WWOX: variants seen among roughly 807,000 people sequenced by gnomAD.
The protein encoded by WWOX is WW domain-containing oxidoreductase.
Under a neutral mutation model 46.2 loss-of-function variants are expected in WWOX, and 69 were observed. That is an observed-to-expected ratio of 1.49 (90% confidence interval 1.23 to 1.82). The LOEUF is 1.82. Among genes scored for constraint, WWOX ranks in the 40% most tolerant of loss-of-function variants. The probability of loss-of-function intolerance (pLI) is 0.00; values close to 1 mark genes in which losing one functional copy is unlikely to be tolerated. For synonymous variants in WWOX, 359 were observed against 202.6 expected, an observed-to-expected ratio of 1.77 and a Z score of -6.56; for missense variants, 919 against 542.6, an observed-to-expected ratio of 1.69 and a Z score of -6.89.
chr16:78,452,698 A>T (rs976848131), intron 8 of WWOX, among the ~76,000 whole-genome samples: 4 of 150,594 alleles, frequency 2.7e-5, no homozygotes, highest in Non-Finnish European at 5.9e-5. Context: ...CTGGTATCGA[A>T]TTCCTGACCT....
intron 8 of WWOX, among the ~76,000 whole-genome samples, chr16:78,460,324 C>T (rs2083920562): frequency 6.6e-6 from 1 of 151,996 alleles, no homozygotes; most frequent in South Asian, 2.1e-4. Context: ...GGCGGAGTTT[C>T]ACCAAGTTGG....
intron 4 of WWOX, among the ~76,000 whole-genome samples, chr16:78,137,532 C>G (rs574522839): frequency 6.6e-6 from 1 of 152,268 alleles, no homozygotes; most frequent in African/African-American, 2.4e-5. Flanking sequence ...GGACCAAGTT[C>G]TTATTTTCTT....
intron 8 of WWOX, among the ~76,000 whole-genome samples, chr16:78,884,205 C>G (rs375374704): frequency 7.5e-6 from 1 of 133,738 alleles, no homozygotes; most frequent in Admixed American, 8.7e-5. Context: ...CCAGGGAGGT[C>G]AAGGCTACAG....
intron 8 of WWOX, among the ~76,000 whole-genome samples, chr16:78,849,518 G>A (rs972700717): frequency 6.8e-6 from 1 of 147,336 alleles, no homozygotes; most frequent in Non-Finnish European, 1.5e-5. Flanking sequence ...AGCTTGCAGT[G>A]AGCGGAGATC....
chr16:79,159,739 T>C (rs552811633), intron 8 of WWOX, among the ~76,000 whole-genome samples: 1 of 152,330 alleles, frequency 6.6e-6, no homozygotes, highest in African/African-American at 2.4e-5. Flanking sequence ...CTAGTTTTAT[T>C]TCTTCAAATT....
At chr16:78,999,824 G>A (rs565508428) in intron 8 of WWOX, among the ~76,000 whole-genome samples, 6 of 152,176 alleles carry the variant, frequency 3.9e-5, no homozygotes, top group African/African-American at 7.2e-5. Context: ...CCATATATGC[G>A]TGTAAGAAAT....
At chr16:78,722,921 AG>A (rs1181172442) in intron 8 of WWOX, among the ~76,000 whole-genome samples, 1 of 152,100 alleles carries the variant, frequency 6.6e-6, no homozygotes, top group Non-Finnish European at 1.5e-5. Context: ...TCACGCCTGT[AG>A]CCCCACCTAC....
At chr16:78,194,478 C>T (rs1419137823) in intron 5 of WWOX, among the ~76,000 whole-genome samples, 9 of 150,728 alleles carry the variant, frequency 6.0e-5, no homozygotes, top group Non-Finnish European at 1.5e-5. Context: ...TTCCCAGCTA[C>T]TCGGGATGCT....
chr16:78,406,377 G>A (rs1332949668), intron 6 of WWOX, among the ~76,000 whole-genome samples: 25 of 116,230 alleles, frequency 2.2e-4, no homozygotes, highest in African/African-American at 6.6e-4. Context: ...TTTTTGAGAC[G>A]GAGTCTTGCT....
At chr16:78,633,524 C>T (rs1345227109) in intron 8 of WWOX, among the ~76,000 whole-genome samples, 4 of 152,226 alleles carry the variant, frequency 2.6e-5, no homozygotes, top group Non-Finnish European at 5.9e-5. Flanking sequence ...CTAGCTAACG[C>T]ATGGCAACGC....
At chr16:78,640,173 G>A (rs925681545) in intron 8 of WWOX, among the ~76,000 whole-genome samples, 4 of 148,752 alleles carry the variant, frequency 2.7e-5, no homozygotes, top group African/African-American at 7.5e-5. Context: ...AGTTGCCAAC[G>A]TCCTCTCCTT....
chr16:78,748,747 A>C (rs1040409922), intron 8 of WWOX, among the ~76,000 whole-genome samples: 6 of 152,142 alleles, frequency 3.9e-5, no homozygotes, highest in African/African-American at 9.7e-5. Flanking sequence ...TTTCATGCAC[A>C]CTCGGATTAC....
chr16:78,706,164 C>G (rs1303667681), intron 8 of WWOX, among the ~76,000 whole-genome samples: 2 of 144,512 alleles, frequency 1.4e-5, no homozygotes, highest in Non-Finnish European at 3.0e-5. Flanking sequence ...TCCATCTTAT[C>G]AAGCCCCCTA....
chr16:78,300,623 T>C (rs2080023829), intron 5 of WWOX, among the ~76,000 whole-genome samples: 1 of 152,150 alleles, frequency 6.6e-6, no homozygotes, highest in African/African-American at 2.4e-5. Flanking sequence ...GCATTACTAA[T>C]GGCTTGACTT....
chr16:78,300,017 G>C (rs971405750), intron 5 of WWOX, among the ~76,000 whole-genome samples: 2 of 152,134 alleles, frequency 1.3e-5, no homozygotes, highest in African/African-American at 4.8e-5. Flanking sequence ...CTGCCTACAA[G>C]GGAATCTTTG....
intron 8 of WWOX, among the ~76,000 whole-genome samples, chr16:78,894,020 T>TTTATTATTATTATTA (rs6145911): frequency 0.18 from 25,425 of 139,780 alleles, 2,739 homozygotes; most frequent in Non-Finnish European, 0.24. Flanking sequence ...TATTGAGGCT[T>TTTATTATTATTATTA]TTATTATTAT....
intron 8 of WWOX, among the ~76,000 whole-genome samples, chr16:78,631,664 A>C (rs2046435235): frequency 6.6e-6 from 1 of 150,990 alleles, no homozygotes; most frequent in Admixed American, 6.6e-5. Flanking sequence ...TCAGCCCTCC[A>C]AGTAGGGCTA....
chr16:78,590,745 T>C (rs2045331916), intron 8 of WWOX, among the ~76,000 whole-genome samples: 1 of 152,170 alleles, frequency 6.6e-6, no homozygotes, highest in South Asian at 2.1e-4. Flanking sequence ...GTCGGGTAGA[T>C]GGGATCAGTG....
chr16:78,615,774 G>A (rs535916081), intron 8 of WWOX, among the ~76,000 whole-genome samples: 85 of 150,152 alleles, frequency 5.7e-4, no homozygotes, highest in Admixed American at 2.4e-3. Flanking sequence ...TTTTTGAGGC[G>A]GAGTCTCACT....
Sources: gnomAD v4.1 joint callset for allele counts (sites outside exome capture counted in the v4.1 genomes callset) on GRCh38, gnomAD v4.1.1 for gene constraint, MANE v1.5 for transcripts, NCBI Gene and HGNC (gene_info 2026-07-23, HGNC 2026-07-21) for gene names.